GALNT13: variants seen among roughly 807,000 people sequenced by gnomAD.
GALNT13 encodes UDP-GalNAc:polypeptide N-acetylgalactosaminyltransferase 13.
GALNT13 carries 28 observed loss-of-function variants against 64.2 expected under a neutral mutation model. That is an observed-to-expected ratio of 0.44 (90% CI 0.32 to 0.60). The LOEUF (loss-of-function observed/expected upper bound fraction) is 0.60, where lower values mean the gene tolerates loss of function less well. GALNT13 is among the 20% of genes least tolerant of loss of function. The pLI is 0.05. For missense variants in GALNT13, 577 were observed against 669.8 expected, an observed-to-expected ratio of 0.86 and a Z score of 1.53; for synonymous variants, 214 against 224.6, an observed-to-expected ratio of 0.95 and a Z score of 0.42.
chr2:153,866,485 G>A, the GALNT13 span, among the ~76,000 whole-genome samples: 27 of 151,952 alleles, frequency 1.8e-4, no homozygotes, highest in East Asian at 1.2e-3. Context: ...ACAAATCACC[G>A]TCATGGAAAA....
the GALNT13 span, among the ~76,000 whole-genome samples, chr2:153,843,837 A>T: frequency 6.6e-6 from 1 of 152,218 alleles, no homozygotes; most frequent in East Asian, 1.9e-4. Flanking sequence ...CCAGCAGGGC[A>T]GTCATTAAAT....
the GALNT13 span, among the ~76,000 whole-genome samples, chr2:153,662,952 A>G: frequency 6.6e-6 from 1 of 152,200 alleles, no homozygotes; most frequent in Non-Finnish European, 1.5e-5. Flanking sequence ...CTTTCCAGGC[A>G]ATCCACTCCT....
chr2:153,529,649 A>G, the GALNT13 span, among the ~76,000 whole-genome samples: 1 of 152,062 alleles, frequency 6.6e-6, no homozygotes, highest in South Asian at 2.1e-4. Flanking sequence ...TGATATAAAT[A>G]TCCTCAACAA....
chr2:154,203,342 C>G (rs1278379089), intron 4 of GALNT13, among the ~76,000 whole-genome samples: 7 of 152,088 alleles, frequency 4.6e-5, no homozygotes, highest in Non-Finnish European at 1.0e-4. Context: ...ATAGGAAGCT[C>G]TCAATTTATC....
chr2:153,991,119 T>C (rs535291115), intron 3 of GALNT13, among the ~76,000 whole-genome samples: 8 of 152,280 alleles, frequency 5.3e-5, no homozygotes, highest in African/African-American at 1.9e-4. Flanking sequence ...CAAAACCTTC[T>C]CCACCAGAAC....
chr2:153,991,673 C>T (rs1453178137), intron 3 of GALNT13, among the ~76,000 whole-genome samples: 1 of 152,110 alleles, frequency 6.6e-6, no homozygotes, highest in Non-Finnish European at 1.5e-5. Flanking sequence ...AATAATTACA[C>T]TGTATTTTGT....
At chr2:153,117,210 C>T in the GALNT13 span, among the ~76,000 whole-genome samples, 9 of 152,076 alleles carry the variant, frequency 5.9e-5, no homozygotes, top group East Asian at 1.9e-4. Flanking sequence ...CTTTGATCTA[C>T]GAAAGTCTTC....
At chr2:153,202,455 A>G in the GALNT13 span, among the ~76,000 whole-genome samples, 1 of 152,210 alleles carries the variant, frequency 6.6e-6, no homozygotes, top group East Asian at 1.9e-4. Flanking sequence ...CACATGAACT[A>G]GTTTGGTAGT....
At chr2:153,630,813 T>A in the GALNT13 span, among the ~76,000 whole-genome samples, 372 of 50,460 alleles carry the variant, frequency 7.4e-3, 3 homozygotes, top group Non-Finnish European at 9.0e-3. Context: ...ATATATTTTT[T>A]TTTTTTTTTT....
chr2:153,884,116 G>A (rs182771618), intron 1 of GALNT13, among the ~76,000 whole-genome samples: 45 of 152,050 alleles, frequency 3.0e-4, no homozygotes, highest in African/African-American at 1.0e-3. Context: ...ATAAGAAATA[G>A]CACTGATATA....
the GALNT13 span, among the ~76,000 whole-genome samples, chr2:153,561,309 G>A: frequency 1.3e-5 from 2 of 151,616 alleles, no homozygotes; most frequent in African/African-American, 4.8e-5. Context: ...GAAATGCTTG[G>A]GACCAGAGGT....
At chr2:153,410,238 C>T in the GALNT13 span, among the ~76,000 whole-genome samples, 1 of 151,744 alleles carries the variant, frequency 6.6e-6, no homozygotes, top group Admixed American at 6.6e-5. Context: ...CAGGCACTCA[C>T]CACACTCAGC....
the GALNT13 span, among the ~76,000 whole-genome samples, chr2:153,161,936 G>C: frequency 9.2e-5 from 14 of 152,168 alleles, no homozygotes; most frequent in African/African-American, 3.4e-4. Context: ...AAAGAGAAGG[G>C]TTCATGGTCT....
the GALNT13 span, among the ~76,000 whole-genome samples, chr2:153,514,609 C>A: frequency 1.3e-5 from 2 of 152,130 alleles, no homozygotes; most frequent in African/African-American, 4.8e-5. Flanking sequence ...CTCTTCTCCT[C>A]CGCACTCTCC....
At chr2:153,198,303 G>A in the GALNT13 span, among the ~76,000 whole-genome samples, 1 of 152,174 alleles carries the variant, frequency 6.6e-6, no homozygotes, top group African/African-American at 2.4e-5. Context: ...CAGTCCCAGG[G>A]CCTGTGGGAG....
At chr2:154,116,833 A>G (rs1056576862) in intron 3 of GALNT13, among the ~76,000 whole-genome samples, 1 of 152,056 alleles carries the variant, frequency 6.6e-6, no homozygotes, top group Non-Finnish European at 1.5e-5. Context: ...CTCTAGAACC[A>G]CTCCTGGTAC....
At chr2:154,241,226 C>T (rs1459247219) in intron 4 of GALNT13, among the ~76,000 whole-genome samples, 1 of 152,112 alleles carries the variant, frequency 6.6e-6, no homozygotes, top group Non-Finnish European at 1.5e-5. Context: ...CAGGCCAGGG[C>T]GGTCTTGGGA....
At chr2:154,093,468 T>C (rs1471783695) in intron 3 of GALNT13, among the ~76,000 whole-genome samples, 1 of 151,978 alleles carries the variant, frequency 6.6e-6, no homozygotes, top group Non-Finnish European at 1.5e-5. Context: ...CAAAAATGAA[T>C]CGAGCATAGT....
At chr2:153,688,991 GGT>G in the GALNT13 span, among the ~76,000 whole-genome samples, 17,372 of 129,890 alleles carry the variant, frequency 0.13, 1,157 homozygotes, top group South Asian at 0.19. Context: ...TAGAGGTAGG[GGT>G]GTGTGTGTGT....
Sources: gnomAD v4.1 joint callset for allele counts (sites outside exome capture counted in the v4.1 genomes callset) on GRCh38, gnomAD v4.1.1 for gene constraint, MANE v1.5 for transcripts, NCBI Gene and HGNC (gene_info 2026-07-23, HGNC 2026-07-21) for gene names.